NAALADL2: variants seen among roughly 807,000 people sequenced by gnomAD.
The protein encoded by NAALADL2 is inactive N-acetylated-alpha-linked acidic dipeptidase-like protein 2.
In NAALADL2, 76 loss-of-function variants were observed where a neutral mutation model predicts 87.2. The observed-to-expected ratio is 0.87, with a 90% CI of 0.72 to 1.05. The LOEUF is 1.05. Ranked by LOEUF, NAALADL2 falls within the 50% of genes least tolerant of loss-of-function variation. The probability of loss-of-function intolerance (pLI) is 0.00; values close to 1 mark genes in which losing one functional copy is unlikely to be tolerated. For synonymous variants in NAALADL2, 354 were observed against 331.0 expected (o/e 1.07, Z -0.75); for missense variants, 1,089 against 945.8 (o/e 1.15, Z -1.99).
chr3:175,569,259 C>T (rs1717669758), intron 9 of NAALADL2, among the ~76,000 whole-genome samples: 2 of 152,122 alleles, frequency 1.3e-5, no homozygotes, highest in South Asian at 2.1e-4. Context: ...AATGTTATAA[C>T]AAAATTTTGT....
chr3:175,229,410 A>G (rs1744620016), intron 2 of NAALADL2, among the ~76,000 whole-genome samples: 1 of 152,026 alleles, frequency 6.6e-6, no homozygotes, highest in Non-Finnish European at 1.5e-5. Context: ...TTAATTTTAA[A>G]ACATATTTTT....
At chr3:174,599,610 C>T (rs1718250243) in intron 2 of NAALADL2, among the ~76,000 whole-genome samples, 1 of 152,092 alleles carries the variant, frequency 6.6e-6, no homozygotes, top group African/African-American at 2.4e-5. Flanking sequence ...ATACTGATAC[C>T]TGATTATTTT....
intron 1 of NAALADL2, among the ~76,000 whole-genome samples, chr3:174,875,224 A>G (rs970478729): frequency 2.0e-5 from 3 of 151,904 alleles, no homozygotes; most frequent in Admixed American, 1.3e-4. Flanking sequence ...AACCTCTCCA[A>G]TTCTAGGATT....
chr3:175,397,650 T>G (rs566461658), intron 5 of NAALADL2, among the ~76,000 whole-genome samples: 6 of 152,292 alleles, frequency 3.9e-5, no homozygotes, highest in African/African-American at 1.4e-4. Flanking sequence ...GAAGCGAGTG[T>G]GATTTCTGGA....
intron 1 of NAALADL2, among the ~76,000 whole-genome samples, chr3:174,940,925 CCTGT>C (rs1560391645): frequency 6.6e-6 from 1 of 151,296 alleles, no homozygotes; most frequent in African/African-American, 2.4e-5. Context: ...TAGCTAGCGG[CCTGT>C]CTTACTAATA....
intron 13 of NAALADL2, chr3:175,767,439 C>G (rs1748864046): frequency 6.6e-6 from 1 of 151,962 alleles, no homozygotes; most frequent in African/African-American, 2.4e-5. Context: ...CTACCTTTAT[C>G]TGACAAGTTT....
chr3:174,672,201 C>T (rs914841993), intron 2 of NAALADL2, among the ~76,000 whole-genome samples: 7 of 151,992 alleles, frequency 4.6e-5, no homozygotes, highest in African/African-American at 1.4e-4. Context: ...CACATTGGGA[C>T]AATAGCTAAA....
chr3:175,447,529 T>C (rs561542772), intron 6 of NAALADL2, among the ~76,000 whole-genome samples, 157 bp downstream of exon 6: 14 of 152,314 alleles, frequency 9.2e-5, no homozygotes, highest in Middle Eastern at 3.4e-3. Context: ...TTTAGCAGCA[T>C]GTTTGGAAAG....
At chr3:175,463,377 G>C in intron 6 of NAALADL2, 24 bp from the exon 7 acceptor site, 1 of 1,417,604 alleles carries the variant, frequency 7.1e-7, no homozygotes, top group Non-Finnish European at 9.6e-7. Flanking sequence ...AGAAGCAAAA[G>C]TCTTTAAATT....
intron 11 of NAALADL2, among the ~76,000 whole-genome samples, chr3:175,671,209 A>T (rs904037953): frequency 6.6e-6 from 1 of 152,030 alleles, no homozygotes; most frequent in Non-Finnish European, 1.5e-5. Context: ...TACTTACTTT[A>T]TGTATTCTAT....
At chr3:175,789,558 A>T (rs996811521) in intron 13 of NAALADL2, among the ~76,000 whole-genome samples, 2 of 152,150 alleles carry the variant, frequency 1.3e-5, no homozygotes, top group Non-Finnish European at 2.9e-5. Context: ...TTTTCAGGTT[A>T]TTGGATTAGC....
chr3:175,006,446 T>A (rs1231299607), intron 1 of NAALADL2, among the ~76,000 whole-genome samples: 1 of 152,220 alleles, frequency 6.6e-6, no homozygotes, highest in East Asian at 1.9e-4. Context: ...TTCATTTGAT[T>A]GGAACATTAT....
intron 4 of NAALADL2, among the ~76,000 whole-genome samples, chr3:175,294,394 G>A (rs921750672): frequency 2.6e-5 from 4 of 151,588 alleles, no homozygotes; most frequent in Non-Finnish European, 4.4e-5. Context: ...GCTGAAGTTC[G>A]CTGGTGTTCT....
chr3:175,239,347 G>T (rs546483353), intron 3 of NAALADL2, among the ~76,000 whole-genome samples: 27 of 152,252 alleles, frequency 1.8e-4, no homozygotes, highest in South Asian at 8.3e-4. Flanking sequence ...TTATCATAAG[G>T]TTAAAGACAT....
intron 4 of NAALADL2, among the ~76,000 whole-genome samples, chr3:175,286,820 G>A (rs889281238): frequency 2.0e-5 from 3 of 152,028 alleles, no homozygotes; most frequent in South Asian, 4.1e-4. Context: ...GGCTGGATGC[G>A]GTAACTCATG....
chr3:174,927,021 C>T (rs1171096441), intron 1 of NAALADL2, among the ~76,000 whole-genome samples: 1 of 120,696 alleles, frequency 8.3e-6, no homozygotes, highest in Non-Finnish European at 1.7e-5. Context: ...ATCTACCAAG[C>T]AAATGAAGAA....
chr3:174,708,544 T>G lies in NAALADL2; in HGVS notation c.-114-29097T>G, dbSNP rs76113336. 6.2e-3 allele frequency among the ~76,000 whole-genome samples: 940 copies of G among 152,296 alleles called. 6 individuals are homozygous for G. The highest frequency in any genetic ancestry group is 0.022 in the African/African-American group (894 of 41,578). On this transcript the variant is annotated intron_variant, in intron 2 of 3. Transcript: ENST00000434257. ...GTTAGGGACCATTATGTTTGTGAACTCATAATTATAAAATTACATTTTGTA... is the reference window on the plus strand; with the variant it reads ...GTTAGGGACCATTATGTTTGTGAACGCATAATTATAAAATTACATTTTGTA...
At chr3:175,186,725 T>C (rs1172450000) in intron 2 of NAALADL2, among the ~76,000 whole-genome samples, 1 of 152,126 alleles carries the variant, frequency 6.6e-6, no homozygotes, top group African/African-American at 2.4e-5. Flanking sequence ...GTGACCTTTT[T>C]GTCACATTGT....
chr3:175,127,269 A>G (rs1727111701), intron 2 of NAALADL2, among the ~76,000 whole-genome samples: 3 of 152,142 alleles, frequency 2.0e-5, no homozygotes, highest in Non-Finnish European at 4.4e-5. Context: ...AGTTTAGGTC[A>G]TAGATTATAT....
Sources: gnomAD v4.1 joint callset for allele counts (sites outside exome capture counted in the v4.1 genomes callset) on GRCh38, gnomAD v4.1.1 for gene constraint, MANE v1.5 for transcripts, NCBI Gene and HGNC (gene_info 2026-07-23, HGNC 2026-07-21) for gene names.